MAP3K1: variants seen among roughly 807,000 people sequenced by gnomAD.
The protein encoded by MAP3K1 is MAP/ERK kinase kinase 1.
MAP3K1 carries 36 observed loss-of-function variants against 144.2 expected under a neutral mutation model. That is an observed-to-expected ratio of 0.25 (90% confidence interval 0.19 to 0.33). The LOEUF (loss-of-function observed/expected upper bound fraction) is 0.33, where lower values mean the gene tolerates loss of function less well. MAP3K1 is among the 10% of genes least tolerant of loss of function. The pLI, the probability that MAP3K1 is intolerant of heterozygous loss-of-function variation, is 1.00. For synonymous variants in MAP3K1, 718 were observed against 688.7 expected (o/e 1.04, Z -0.67); for missense variants, 1,650 against 1,881.9 (o/e 0.88, Z 2.28).
At chr5:56,892,481 T>G (rs1183370361) in intron 19 of MAP3K1, among the ~76,000 whole-genome samples, 1 of 152,094 alleles carries the variant, frequency 6.6e-6, no homozygotes, top group Non-Finnish European at 1.5e-5. Context: ...GAAAAAAAAT[T>G]GATAACAATT....
At chr5:56,872,096 T>C in intron 7 of MAP3K1, 65 bp downstream of exon 7, 1 of 1,599,378 alleles carries the variant, frequency 6.3e-7, no homozygotes, top group Non-Finnish European at 8.6e-7. Context: ...ACTATGTTAT[T>C]TAAGAGTGTA....
At position 56,853,192 on chromosome 5, in the gene MAP3K1, CTT is replaced by C. The variant is rs1747229246; in HGVS notation, c.483-3405_483-3404del. Among the ~76,000 whole-genome samples the C allele has an allele frequency of 2.6e-5, 4 of 152,034 alleles. No individual in the cohort carries two copies. The South Asian group carries it at 8.3e-4, about 31-fold the overall frequency. On this transcript the variant is annotated intron_variant, in intron 1 of 19. Coordinates refer to ENST00000399503, the MANE Select transcript of MAP3K1 (RefSeq NM_005921.2). ...ACACCTGCCAGTTAAATTATAATAACTTTTGATTGCAAGAGGCATTCATATTT... is the reference window on the plus strand; with the variant it reads ...ACACCTGCCAGTTAAATTATAATAACTTGATTGCAAGAGGCATTCATATTT...
chr5:56,858,025 C>G (rs1747391468), intron 2 of MAP3K1, among the ~76,000 whole-genome samples: 1 of 152,054 alleles, frequency 6.6e-6, no homozygotes, highest in Non-Finnish European at 1.5e-5. Context: ...GGTGGGAACC[C>G]CTCACCATTT....
Position 56,815,703 on chromosome 5 carries a change from C to T in MAP3K1, c.130C>T (p.Leu44=). 7.5e-7 allele frequency: 1 copy of T among 1,324,506 alleles called. No individual in the cohort carries two copies. The highest frequency in any genetic ancestry group is 9.6e-7 in the Non-Finnish European group (1 of 1,039,190). The allele number at this position is 1,324,506 out of a possible 1,614,324, so 82.0% of individuals were successfully genotyped here. ...SSAPAAAAGL[L]REAGSGGRER... ...CGCGCCCGCGGCTGCCGCGGGACTG[C>T]TGCGGGAGGCGGGCAGCGGGGGCCG... Residue 44 remains leucine, a synonymous_variant, in exon 1 of 20, where the codon CTG becomes TTG. Transcript: ENST00000399503.
chr5:56,885,450 GACT>G (rs1748352257), intron 16 of MAP3K1, among the ~76,000 whole-genome samples: 2 of 152,300 alleles, frequency 1.3e-5, no homozygotes, highest in South Asian at 4.1e-4. Flanking sequence ...TAGATAGGTT[GACT>G]ACTATAAACA....
At chr5:56,835,404 G>T (rs1746621151) in intron 1 of MAP3K1, among the ~76,000 whole-genome samples, 2 of 133,638 alleles carry the variant, frequency 1.5e-5, no homozygotes, top group Admixed American at 7.4e-5. Flanking sequence ...AGACAAGGAG[G>T]CAGGGAAGAG....
intron 19 of MAP3K1, among the ~76,000 whole-genome samples, chr5:56,890,881 C>A (rs1189079045): frequency 4.7e-3 from 632 of 135,528 alleles, no homozygotes; most frequent in Non-Finnish European, 7.0e-3. Flanking sequence ...CCATCTCTAC[C>A]AAAAAAAAAA....
intron 16 of MAP3K1, 104 bp from the exon 17 acceptor site, chr5:56,885,828 G>C: frequency 2.2e-6 from 2 of 898,734 alleles, no homozygotes; most frequent in Non-Finnish European, 1.8e-6. Context: ...TTCTGTTTCA[G>C]ATGTGAATGT....
At chr5:56,887,100 TC>T (rs1748400299) in intron 17 of MAP3K1, among the ~76,000 whole-genome samples, 1 of 152,224 alleles carries the variant, frequency 6.6e-6, no homozygotes, top group African/African-American at 2.4e-5. Context: ...TGGTTTTCTG[TC>T]ATTAGTCTTT....
chr5:56,895,581 A>G lies in MAP3K1; in HGVS notation c.*1901A>G, dbSNP rs1390182591. ...CTTTGTAGATCACCATGCCCACCAC[A>G]TTTCAAACTCAAACTATCTGTAGAT... On this transcript the variant is annotated 3_prime_UTR_variant, in exon 20 of 20. Coordinates refer to ENST00000399503, the MANE Select transcript of MAP3K1 (RefSeq NM_005921.2). 1 of 232,216 alleles carries G rather than the reference A, an allele frequency of 4.3e-6. No homozygotes were observed. The highest frequency in any genetic ancestry group is 8.5e-6 in the Non-Finnish European group (1 of 117,544). The allele number at this position is 232,216 out of a possible 1,614,324, so 14.4% of individuals were successfully genotyped here.
At chr5:56,871,857 G>A (rs770814838) in intron 6 of MAP3K1, 53 bp from the exon 7 acceptor site, 37 of 1,575,892 alleles carry the variant, frequency 2.3e-5, no homozygotes, top group Admixed American at 5.0e-5. Context: ...TAGCATATCC[G>A]TTCTACTTTA....
Position 56,815,619 on chromosome 5 carries a change from G to A in MAP3K1, c.46G>A (p.Gly16Ser). The A allele has an allele frequency of 1.5e-6, 2 of 1,312,252 alleles. No homozygotes were observed. Among genetic ancestry groups the A allele is most frequent in the Non-Finnish European group, 9.7e-7 (1 of 1,031,672 alleles). The allele number at this position is 1,312,252 out of a possible 1,614,324, so 81.3% of individuals were successfully genotyped here. ...TCGCGCCTCGTCGTCGGGATTCCCG[G>A]GCGCCAGGGCTACGAGCCCTGAGGC... ...GNRASSSGFP[G>S]ARATSPEAGG... The change falls in exon 1 of 20, where the codon GGC becomes AGC. Residue 16 changes from glycine to serine, a missense_variant. By Grantham distance (56) the Gly-to-Ser change is moderately conservative. Transcript: ENST00000399503.
chr5:56,875,305 G>A lies in MAP3K1; in HGVS notation c.1960G>A (p.Ala654Thr), dbSNP rs2111921910. 1 of 1,613,830 alleles carries A rather than the reference G, an allele frequency of 6.2e-7. No individual in the cohort carries two copies. The highest frequency in any genetic ancestry group is 8.5e-7 in the Non-Finnish European group (1 of 1,179,930). ...ADPVYKVYVA[A>T]LKTLRAMLVY... Reference sequence around the variant, plus strand: ...CCCTGTCTACAAAGTGTACGTTGCTGCTTTAGTAAGTAGCTTTATTCCATA... The same window carrying A: ...CCCTGTCTACAAAGTGTACGTTGCTACTTTAGTAAGTAGCTTTATTCCATA... The change falls in exon 10 of 20, where the codon GCT (alanine) becomes ACT (threonine). Residue 654 changes from alanine (A) to threonine (T), a missense_variant. Coordinates refer to ENST00000399503, the MANE Select transcript of MAP3K1 (RefSeq NM_005921.2).
intron 6 of MAP3K1, among the ~76,000 whole-genome samples, chr5:56,871,452 T>G (rs1010127860): frequency 1.3e-5 from 2 of 152,192 alleles, no homozygotes; most frequent in Non-Finnish European, 2.9e-5. Flanking sequence ...TCTGGGAAAG[T>G]TGGATCAGTT....
At chr5:56,821,989 CTT>C (rs1007881686) in intron 1 of MAP3K1, among the ~76,000 whole-genome samples, 1 of 152,000 alleles carries the variant, frequency 6.6e-6, no homozygotes, top group African/African-American at 2.4e-5. Flanking sequence ...CAAGAACTGT[CTT>C]TTTTTAGGAG....
chr5:56,856,577 ATT>A (rs1747349566), intron 1 of MAP3K1, 21 bp from the exon 2 acceptor site: 3 of 1,595,634 alleles, frequency 1.9e-6, no homozygotes, highest in African/African-American at 2.7e-5. Flanking sequence ...TTCTCATTTT[ATT>A]TGTTTCTGCC....
At chr5:56,870,018 T>A (rs933443366) in intron 6 of MAP3K1, among the ~76,000 whole-genome samples, 2 of 152,184 alleles carry the variant, frequency 1.3e-5, no homozygotes, top group African/African-American at 4.8e-5. Flanking sequence ...TGGAAAGCTT[T>A]TTGTGCATTT....
chr5:56,830,858 A>G (rs1368881639), intron 1 of MAP3K1, among the ~76,000 whole-genome samples: 1 of 151,844 alleles, frequency 6.6e-6, no homozygotes, highest in Non-Finnish European at 1.5e-5. Flanking sequence ...TTGCCCAAAG[A>G]CAGAAAATTT....
Position 56,896,072 on chromosome 5 carries a change from T to A in MAP3K1, c.*2392T>A, listed in dbSNP as rs1748694358. The A allele has an allele frequency of 8.7e-6, 2 of 229,086 alleles. No individual in the cohort carries two copies. The highest frequency in any genetic ancestry group is 1.7e-5 in the Non-Finnish European group (2 of 115,640). 14.2% of individuals were successfully genotyped at this position (229,086 alleles called of 1,614,324 possible). A position where few individuals can be genotyped will look rare whatever the true frequency, so the allele number is the denominator to read the frequency against. Reference sequence around the variant, plus strand: ...ATTGAGATATTTTAATTAAAATTTTTACCCCATTGAACCGATTTTATAGTA... The same window carrying A: ...ATTGAGATATTTTAATTAAAATTTTAACCCCATTGAACCGATTTTATAGTA... On this transcript the variant is annotated 3_prime_UTR_variant, in exon 20 of 20. Transcript: ENST00000399503.
Sources: allele counts gnomAD v4.1 joint callset (sites outside exome capture counted in the v4.1 genomes callset), GRCh38; gene constraint gnomAD v4.1.1; transcripts MANE v1.5; gene names NCBI Gene and HGNC (gene_info 2026-07-23, HGNC 2026-07-21).